The following AKAP12 variants were observed in gnomAD, a reference collection of about 807,000 sequenced individuals.
AKAP12 encodes the protein A-kinase anchor protein 12.
Under a neutral mutation model 79.9 loss-of-function variants are expected in AKAP12, and 32 were observed. The ratio of observed to expected loss-of-function variants is 0.40; its 90% confidence interval spans 0.30 to 0.54. AKAP12 has a LOEUF of 0.54. Among genes scored for constraint, AKAP12 ranks in the 20% least tolerant of loss-of-function variants. The pLI, the probability that AKAP12 is intolerant of heterozygous loss-of-function variation, is 0.48. For missense variants in AKAP12, 2,074 were observed against 2,177.0 expected, an observed-to-expected ratio of 0.95 and a Z score of 0.94; for synonymous variants, 808 against 857.0, an observed-to-expected ratio of 0.94 and a Z score of 1.00.
Position 151,351,660 on chromosome 6 carries a change from C to T in AKAP12, c.3269C>T (p.Thr1090Met), listed in dbSNP as rs145796585. ...GAAGCGTCGGGTCTGAAGAAAGAGA[C>T]GGATGTAGTGTTGAAAGTAGATGCT... ...QAEASGLKKETDVVLKVDAQE... is the reference protein window; with the variant it reads ...QAEASGLKKEMDVVLKVDAQE... The change falls in exon 4 of 5, where the codon ACG becomes ATG. Residue 1090 changes from threonine to methionine, a missense_variant. Transcript: ENST00000402676. The surrounding 1 kb of genome is among the most constrained non-coding windows in gnomAD (Gnocchi z 4.4). The T allele has an allele frequency of 6.3e-5, 101 of 1,614,066 alleles. No homozygotes were observed. In the African/African-American group the frequency reaches 9.5e-4, roughly 15 times the overall value.
At chr6:151,290,631 G>A (rs111321941) in intron 2 of AKAP12, among the ~76,000 whole-genome samples, 17,481 of 150,102 alleles carry the variant, frequency 0.12, 1,286 homozygotes, top group Middle Eastern at 0.21. Flanking sequence ...TTGAGATGGA[G>A]TTTCACTCTT....
At chr6:151,271,842 T>G (rs529824755) in intron 2 of AKAP12, among the ~76,000 whole-genome samples, 381 of 151,888 alleles carry the variant, frequency 2.5e-3, no homozygotes, top group African/African-American at 8.7e-3. Context: ...GTATTTTTAG[T>G]AGAGACGGGG....
Position 151,352,844 on chromosome 6 carries a change from C to A in AKAP12, c.4453C>A (p.Pro1485Thr). 6.2e-7 allele frequency: 1 copy of A among 1,614,146 alleles called. No homozygotes were observed. The highest frequency in any genetic ancestry group is 8.5e-7 in the Non-Finnish European group (1 of 1,180,046). The change falls in exon 4 of 5, where the codon CCA becomes ACA. Residue 1485 changes from proline (P) to threonine (T), a missense_variant. Physicochemically the swap from Pro to Thr is conservative, Grantham distance 38. Coordinates refer to ENST00000402676, the MANE Select transcript of AKAP12 (RefSeq NM_005100.4). ...TGPDCQAKST[P>T]VIVSATTKKG... ...GCCCGACTGTCAGGCAAAATCGACA[C>A]CAGTGATAGTATCTGCTACTACCAA...
chr6:151,337,767 T>C (rs770601203), intron 3 of AKAP12, among the ~76,000 whole-genome samples: 1 of 151,904 alleles, frequency 6.6e-6, no homozygotes, highest in South Asian at 2.1e-4. Context: ...TGGAGAAGGC[T>C]GGGCACAGTG....
In AKAP12 at chr6:151,348,809, G is replaced by C; in HGVS notation, c.418G>C (p.Glu140Gln). The stretch of plus-strand genomic sequence containing the variant: ...TCACGACATCACAGATGATGGGCAG[G>C]AGGAGACACCCGAAATAATCGAACA... ...VVHDITDDGQ[E>Q]ETPEIIEQIP... Residue 140 changes from glutamate to glutamine, a missense_variant, in exon 4 of 5, where the codon GAG becomes CAG. By Grantham distance (29) the Glu-to-Gln change is conservative. Around this residue, in one of 3 missense-constraint regions of AKAP12, gnomAD observed 1,428 missense variants for 1,451.0 expected, o/e 0.98. Transcript: ENST00000402676. The C allele has an allele frequency of 6.2e-7, 1 of 1,613,946 alleles. No homozygotes were observed. Among genetic ancestry groups the C allele is most frequent in the African/African-American group, 1.3e-5 (1 of 74,976 alleles).
At chr6:151,317,703 A>T (rs1259860296) in intron 3 of AKAP12, among the ~76,000 whole-genome samples, 1 of 152,210 alleles carries the variant, frequency 6.6e-6, no homozygotes, top group Admixed American at 6.5e-5. Context: ...GGAATCCCTT[A>T]CCTCAAGGAT....
chr6:151,271,917 C>T (rs1776191670), intron 2 of AKAP12, among the ~76,000 whole-genome samples: 1 of 152,200 alleles, frequency 6.6e-6, no homozygotes, highest in Non-Finnish European at 1.5e-5. Context: ...ACCTCGGCCT[C>T]CCAAAGTGCT....
At chr6:151,306,861 G>A (rs1472334086) in intron 3 of AKAP12, among the ~76,000 whole-genome samples, 4 of 152,222 alleles carry the variant, frequency 2.6e-5, no homozygotes, top group Admixed American at 6.5e-5. Context: ...ATGACCTAGT[G>A]TGAGAGTTTC....
rs201829329 is a variant in AKAP12, at chr6:151,352,227, C to T, written c.3836C>T (p.Pro1279Leu). The change falls in exon 4 of 5, where the codon CCA (proline) becomes CTA (leucine). Residue 1279 changes from proline (P) to leucine (L), a missense_variant. Around this residue, in one of 3 missense-constraint regions of AKAP12, gnomAD observed 614 missense variants for 665.6 expected, o/e 0.92. Coordinates refer to ENST00000402676, the MANE Select transcript of AKAP12 (RefSeq NM_005100.4). ...QYADEKTKDV[P>L]FFEGLEGSID... ...GCTGATGAGAAAACCAAAGACGTACCATTTTTCGAAGGACTTGAGGGGTCT... is the reference window on the plus strand; with the variant it reads ...GCTGATGAGAAAACCAAAGACGTACTATTTTTCGAAGGACTTGAGGGGTCT... 3 of 1,614,160 alleles carry T rather than the reference C, an allele frequency of 1.9e-6. No individual in the cohort carries two copies. The highest frequency in any genetic ancestry group is 2.5e-6 in the Non-Finnish European group (3 of 1,180,030).
intron 2 of AKAP12, among the ~76,000 whole-genome samples, chr6:151,246,245 C>T (rs375096141): frequency 6.6e-6 from 1 of 152,140 alleles, no homozygotes; most frequent in Non-Finnish European, 1.5e-5. Flanking sequence ...GGCGAAACCT[C>T]GTCTCTACTA....
In AKAP12 at chr6:151,351,612, C is replaced by T; in HGVS notation, c.3221C>T (p.Ala1074Val). The T allele has an allele frequency of 1.2e-6, 2 of 1,614,100 alleles. No homozygotes were observed. Among genetic ancestry groups the T allele is most frequent in the Non-Finnish European group, 1.7e-6 (2 of 1,180,036 alleles). Residue 1074 changes from alanine to valine, a missense_variant, in exon 4 of 5, where the codon GCA becomes GTA. Physicochemically the swap from Ala to Val is moderately conservative, Grantham distance 64. Transcript: ENST00000402676. The surrounding 1 kb of genome is among the most constrained non-coding windows in gnomAD (Gnocchi z 4.4). ...CTTCAGCCTGTGCAGAGAGCAGAGG[C>T]AGAAAGACCAGAAGAGCAGGCTGAA... ...DVLQPVQRAE[A>V]ERPEEQAEAS...
In AKAP12 at chr6:151,348,859, A is replaced by G. The variant is rs772910963; in HGVS notation, c.468A>G (p.Leu156=). Reference sequence around the variant, plus strand: ...AGATTCCTTCTTCAGAAAGCAATTTAGAAGAGCTAACACAACCCACTGAGT... The same window carrying G: ...AGATTCCTTCTTCAGAAAGCAATTTGGAAGAGCTAACACAACCCACTGAGT... ...IEQIPSSESN[L]EELTQPTESQ... Residue 156 remains leucine (L), a synonymous_variant, in exon 4 of 5, where the codon TTA becomes TTG. Transcript: ENST00000402676. 6.8e-6 allele frequency: 11 copies of G among 1,614,214 alleles called. No homozygotes were observed. The Admixed American group carries it at 1.8e-4, about 27-fold the overall frequency.
intron 2 of AKAP12, among the ~76,000 whole-genome samples, chr6:151,299,756 GTT>G (rs71014572): frequency 3.1e-3 from 435 of 141,708 alleles, no homozygotes; most frequent in Middle Eastern, 7.2e-3. Context: ...ACATTTAAGG[GTT>G]TTTTTTTTTT....
chr6:151,299,251 T>C (rs908515271), intron 2 of AKAP12, among the ~76,000 whole-genome samples: 1 of 152,242 alleles, frequency 6.6e-6, no homozygotes, highest in African/African-American at 2.4e-5. Flanking sequence ...CAGTGTGGCC[T>C]GTTGGCCTAG....
At chr6:151,286,452 A>T (rs1399196696) in intron 2 of AKAP12, among the ~76,000 whole-genome samples, 3 of 152,240 alleles carry the variant, frequency 2.0e-5, no homozygotes, top group Admixed American at 6.5e-5. Context: ...ACACGACTTC[A>T]TGAGGAAGCG....
In AKAP12 at chr6:151,242,372, T is replaced by A. The variant is rs114836004; in HGVS notation, c.162+1648T>A. On this transcript the variant is annotated intron_variant, in intron 2 of 4. Coordinates refer to ENST00000402676, the MANE Select transcript of AKAP12 (RefSeq NM_005100.4). ...TCCGTCTTCCATAACCTTATCCTTTTCCTCTTTCCAAGTTGCCAACCGTCT... is the reference window on the plus strand; with the variant it reads ...TCCGTCTTCCATAACCTTATCCTTTACCTCTTTCCAAGTTGCCAACCGTCT... Among the ~76,000 whole-genome samples, 689 of 152,306 alleles carry A rather than the reference T, an allele frequency of 4.5e-3. 8 individuals are homozygous for A. Among genetic ancestry groups the A allele is most frequent in the African/African-American group, 0.016 (658 of 41,556 alleles).
intron 4 of AKAP12, 67 bp downstream of exon 4, chr6:151,353,819 A>G: frequency 8.7e-7 from 1 of 1,148,334 alleles, no homozygotes; most frequent in Non-Finnish European, 1.2e-6. Context: ...TTTGTTACAT[A>G]AGGAATCGGG....
chr6:151,348,685 A>AACCC, intron 3 of AKAP12, 26 bp from the exon 4 acceptor site: 1 of 164,742 alleles, frequency 6.1e-6, no homozygotes, highest in Non-Finnish European at 1.2e-5. Context: ...TCTTCTCCCC[A>AACCC]CCCCCCCGCC....
At chr6:151,323,502 G>A (rs1158110593) in intron 3 of AKAP12, among the ~76,000 whole-genome samples, 6 of 151,112 alleles carry the variant, frequency 4.0e-5, no homozygotes, top group East Asian at 1.9e-4. Flanking sequence ...GCAATGAGCC[G>A]AGATCGCGTC....
Sources: allele counts gnomAD v4.1 joint callset (sites outside exome capture counted in the v4.1 genomes callset), GRCh38; gene constraint gnomAD v4.1.1; regional missense constraint gnomAD v4.1.1; non-coding constraint Gnocchi (gnomAD v3.1); transcripts MANE v1.5; gene names NCBI Gene and HGNC (gene_info 2026-07-23, HGNC 2026-07-21).